Variants in CCDC25 observed in about 807,000 individuals in gnomAD.
CCDC25 encodes coiled-coil domain-containing protein 25.
Under a neutral mutation model 35.3 loss-of-function variants are expected in CCDC25, and 16 were observed. That is an observed-to-expected ratio of 0.45 (90% CI 0.31 to 0.69). CCDC25 has a LOEUF of 0.69. Among genes scored for constraint, CCDC25 ranks in the 30% least tolerant of loss-of-function variants. CCDC25 has a pLI of 0.06. For missense variants in CCDC25, 179 were observed against 250.7 expected (o/e 0.71, Z 1.93); for synonymous variants, 79 against 80.3 (o/e 0.98, Z 0.09).
chr8:27,753,194 A>G (rs1192638286), intron 4 of CCDC25, among the ~76,000 whole-genome samples: 5 of 152,166 alleles, frequency 3.3e-5, no homozygotes, highest in Admixed American at 3.3e-4. Flanking sequence ...TGCCCCTTTT[A>G]CAGATGCAGA....
In CCDC25 at chr8:27,736,144, A is replaced by G. The variant is rs1221802855; in HGVS notation, c.*72T>C. 5.7e-5 allele frequency: 83 copies of G among 1,443,750 alleles called. 1 individual carries two copies. The East Asian group carries it at 1.9e-3, about 32-fold the overall frequency. The allele number at this position is 1,443,750 out of a possible 1,614,324, so 89.4% of individuals were successfully genotyped here. A position where few individuals can be genotyped will look rare whatever the true frequency, so the allele number is the denominator to read the frequency against. On this transcript the variant is annotated 3_prime_UTR_variant, in exon 9 of 9. Coordinates refer to ENST00000356537, the MANE Select transcript of CCDC25 (RefSeq NM_018246.3). ...GGTTGTATTTTATATTTCAGAACAC[A>G]GATGAAACCAAAAGGTCTGCAATTG...
Position 27,748,248 on chromosome 8 carries a change from T to C in CCDC25, c.380A>G (p.Asn127Ser). The C allele has an allele frequency of 6.2e-7, 1 of 1,614,040 alleles. No individual in the cohort carries two copies. Among genetic ancestry groups the C allele is most frequent in the Non-Finnish European group, 8.5e-7 (1 of 1,179,962 alleles). ...CTTTTCTAATCGGTTCAGGATCTCA[T>C]TTACTTTCTTCTCCACTGTCACAAT... ...VKIVTVEKKV[N>S]EILNRLEKTK... Residue 127 changes from asparagine to serine, a missense_variant, in exon 7 of 9, where the codon AAT becomes AGT. By Grantham distance (46) the Asn-to-Ser change is conservative. Coordinates refer to ENST00000356537, the MANE Select transcript of CCDC25 (RefSeq NM_018246.3).
intron 8 of CCDC25, among the ~76,000 whole-genome samples, chr8:27,736,750 T>A (rs765672690): frequency 6.6e-6 from 1 of 152,198 alleles, no homozygotes; most frequent in Non-Finnish European, 1.5e-5. Context: ...CATCAGGAAG[T>A]CAAACATAGG....
At chr8:27,754,325 A>G (rs866018412) in intron 4 of CCDC25, among the ~76,000 whole-genome samples, 30 of 152,230 alleles carry the variant, frequency 2.0e-4, no homozygotes, top group Middle Eastern at 3.2e-3. Context: ...AGCAACATAA[A>G]AGAGTTCATA....
Position 27,752,537 on chromosome 8 carries a change from G to T in CCDC25, c.219C>A (p.His73Gln). Residue 73 changes from histidine (H) to glutamine (Q), a missense_variant, in exon 5 of 9, where the codon CAC (histidine) becomes CAA (glutamine). Transcript: ENST00000356537. ...CTTGAATGCTATTGGCCTTCACAAG[G>T]TGGGCACAGTCCATCAGCACTTCCT... ...IPKEVLMDCA[H>Q]LVKANSIQGC... The T allele has an allele frequency of 6.2e-7, 1 of 1,613,616 alleles. No homozygotes were observed. The highest frequency in any genetic ancestry group is 1.1e-5 in the South Asian group (1 of 91,056).
rs1266283304 is a variant in CCDC25 at position 27,734,603 on chromosome 8, C to T, written c.*1613G>A. On this transcript the variant is annotated 3_prime_UTR_variant, in exon 9 of 9. Transcript: ENST00000356537. ...AGGAATCAACACAGAGCTATGAATT[C>T]AACAAGAGAATTCAGCAGAGACCTG... 3 of 83,490 alleles carry T rather than the reference C, an allele frequency of 3.6e-5. No individual in the cohort carries two copies. Among genetic ancestry groups the T allele is most frequent in the Non-Finnish European group, 5.5e-5 (2 of 36,622 alleles). 5.2% of individuals were successfully genotyped at this position (83,490 alleles called of 1,614,324 possible). A position where few individuals can be genotyped will look rare whatever the true frequency, so the allele number is the denominator to read the frequency against.
intron 3 of CCDC25, among the ~76,000 whole-genome samples, chr8:27,761,957 T>G (rs944212709): frequency 6.6e-6 from 1 of 152,118 alleles, no homozygotes; most frequent in Non-Finnish European, 1.5e-5. Context: ...CGGGGTTGGA[T>G]CAAGACAGAG....
intron 2 of CCDC25, 41 bp downstream of exon 2, chr8:27,765,163 C>G: frequency 1.3e-6 from 2 of 1,482,650 alleles, no homozygotes; most frequent in Non-Finnish European, 1.8e-6. Context: ...ATAACACTTA[C>G]CTGCTGAAAA....
At position 27,748,466 on chromosome 8, in the gene CCDC25, C is replaced by T. The variant is rs781570900; in HGVS notation, c.348+29G>A. On this transcript the variant is annotated intron_variant, in intron 6 of 8. Transcript: ENST00000356537. Reference sequence around the variant, plus strand: ...GATACTCCATTCAGTATCAGGGCTCCGCCTCCTTCAGTGGCACAAAACACT... The same window carrying T: ...GATACTCCATTCAGTATCAGGGCTCTGCCTCCTTCAGTGGCACAAAACACT... 1.2e-5 allele frequency: 19 copies of T among 1,525,864 alleles called. No homozygotes were observed. The East Asian group carries it at 2.7e-4, about 22-fold the overall frequency. The allele number at this position is 1,525,864 out of a possible 1,614,324, so 94.5% of individuals were successfully genotyped here.
rs1046781686 is a variant in CCDC25, at chr8:27,733,454, G to A, written c.*2762C>T. 3 of 152,248 alleles carry A rather than the reference G, an allele frequency of 2.0e-5. No homozygotes were observed. The highest frequency in any genetic ancestry group is 6.5e-5 in the Admixed American group (1 of 15,282). 9.4% of individuals were successfully genotyped at this position (152,248 alleles called of 1,614,324 possible). Reference sequence around the variant, plus strand: ...TCTCTTGCCCACGCTGAACTCACACGTGCCCGGCAGGAAGGAGCTCTCACG... The same window carrying A: ...TCTCTTGCCCACGCTGAACTCACACATGCCCGGCAGGAAGGAGCTCTCACG... On this transcript the variant is annotated 3_prime_UTR_variant, in exon 9 of 9. Transcript: ENST00000356537.
chr8:27,747,768 T>C, intron 7 of CCDC25: 2 of 326,500 alleles, frequency 6.1e-6, no homozygotes, highest in Non-Finnish European at 1.1e-5. Context: ...CCACAGCACC[T>C]TTTCCTTTCC....
At chr8:27,770,966 C>T (rs1217577120) in intron 1 of CCDC25, among the ~76,000 whole-genome samples, 3 of 152,116 alleles carry the variant, frequency 2.0e-5, no homozygotes, top group South Asian at 2.1e-4. Flanking sequence ...TGCCTGAAAC[C>T]GAGGACAACA....
intron 1 of CCDC25, among the ~76,000 whole-genome samples, chr8:27,769,562 A>G (rs563320973): frequency 6.6e-6 from 1 of 152,366 alleles, no homozygotes; most frequent in Non-Finnish European, 1.5e-5. Context: ...GAAAATGCTT[A>G]GAGGCCTATA....
At chr8:27,739,929 C>T (rs1356729283) in intron 8 of CCDC25, among the ~76,000 whole-genome samples, 1 of 152,134 alleles carries the variant, frequency 6.6e-6, no homozygotes, top group Admixed American at 6.5e-5. Context: ...TAATTAGACG[C>T]AATGTTAAGA....
intron 2 of CCDC25, 89 bp downstream of exon 2, chr8:27,765,115 C>T: frequency 7.9e-7 from 1 of 1,261,920 alleles, no homozygotes; most frequent in Non-Finnish European, 1.1e-6. Flanking sequence ...TCAGAACCAA[C>T]AAACTGGGTG....
intron 7 of CCDC25, among the ~76,000 whole-genome samples, chr8:27,743,703 G>A (rs747812549): frequency 3.9e-4 from 60 of 152,156 alleles, no homozygotes; most frequent in Non-Finnish European, 7.5e-4. Context: ...AGATTAGCCT[G>A]GGCAACATAG....
rs1803198244 is a variant in CCDC25 at position 27,735,727 on chromosome 8, A to ATCTG, written c.*488_*489insCAGA. ...ATACTGAAGCTGACAATCTTCTGAA[A>ATCTG]AATCTCTTTTTCAAAACCCATACGC... On this transcript the variant is annotated 3_prime_UTR_variant, in exon 9 of 9. Transcript: ENST00000356537. 6.5e-6 allele frequency: 1 copy of ATCTG among 154,116 alleles called. No individual in the cohort carries two copies. Among genetic ancestry groups the ATCTG allele is most frequent in the African/African-American group, 2.4e-5 (1 of 41,468 alleles). The allele number at this position is 154,116 out of a possible 1,614,324, so 9.5% of individuals were successfully genotyped here.
chr8:27,751,381 T>C (rs1803799636), intron 5 of CCDC25, among the ~76,000 whole-genome samples: 1 of 152,258 alleles, frequency 6.6e-6, no homozygotes, highest in Admixed American at 6.5e-5. Flanking sequence ...TATTACAATT[T>C]GTTAACTTAT....
At chr8:27,753,008 T>C (rs433523) in intron 4 of CCDC25, 1 of 155,816 alleles carries the variant, frequency 6.4e-6, no homozygotes, top group Non-Finnish European at 1.4e-5. Flanking sequence ...AAAGAATACG[T>C]GTAGTTTTAG....
Sources: allele counts gnomAD v4.1 joint callset (sites outside exome capture counted in the v4.1 genomes callset), GRCh38; gene constraint gnomAD v4.1.1; transcripts MANE v1.5; gene names NCBI Gene and HGNC (gene_info 2026-07-23, HGNC 2026-07-21).